Variants in RERE observed in about 807,000 individuals in gnomAD.
RERE encodes arginine-glutamic acid dipeptide repeats, also known as arginine-glutamic acid dipeptide repeats protein.
A neutral mutation model predicts 146.1 loss-of-function variants in RERE; 40 were observed. The observed-to-expected ratio is 0.27, with a 90% CI of 0.21 to 0.36. The LOEUF (loss-of-function observed/expected upper bound fraction) is 0.36. Among genes scored for constraint, RERE ranks in the 10% least tolerant of loss-of-function variants. RERE has a pLI of 1.00. For missense variants in RERE, 1,933 were observed against 2,138.7 expected, an observed-to-expected ratio of 0.90 and a Z score of 1.90; for synonymous variants, 1,003 against 866.0, an observed-to-expected ratio of 1.16 and a Z score of -2.78.
intron 4 of RERE, among the ~76,000 whole-genome samples, chr1:8,574,989 C>T (rs1557693468): frequency 1.3e-5 from 2 of 152,214 alleles, no homozygotes; most frequent in East Asian, 1.9e-4. Flanking sequence ...TTCGCAAATG[C>T]TAAAATTTAC....
chr1:8,460,824 CAA>C (rs1570275591), intron 11 of RERE, among the ~76,000 whole-genome samples: 1 of 152,152 alleles, frequency 6.6e-6, no homozygotes, highest in South Asian at 2.1e-4. Context: ...GGATAGGAAG[CAA>C]AGAGTGAGAT....
At chr1:8,405,739 A>C (rs1264312362) in intron 12 of RERE, among the ~76,000 whole-genome samples, 1 of 152,034 alleles carries the variant, frequency 6.6e-6, no homozygotes, top group African/African-American at 2.4e-5. Context: ...TCCTGGTTCA[A>C]GCGATTCTCC....
intron 11 of RERE, among the ~76,000 whole-genome samples, chr1:8,441,682 G>A (rs993294039): frequency 1.3e-5 from 2 of 152,102 alleles, no homozygotes; most frequent in Non-Finnish European, 2.9e-5. Context: ...TCAAATAACT[G>A]AGTGACACTG....
chr1:8,611,814 T>C (rs370396325), intron 4 of RERE, among the ~76,000 whole-genome samples: 61 of 152,338 alleles, frequency 4.0e-4, no homozygotes, highest in African/African-American at 1.4e-3. Flanking sequence ...GCCTCTGTCA[T>C]GGTGCCACGT....
intron 4 of RERE, among the ~76,000 whole-genome samples, chr1:8,598,866 A>C (rs1282694241): frequency 6.6e-6 from 1 of 152,218 alleles, no homozygotes; most frequent in African/African-American, 2.4e-5. Flanking sequence ...AAAATCTTTC[A>C]TGAACAGTAC....
At chr1:8,525,467 C>T (rs1180388467) in intron 7 of RERE, among the ~76,000 whole-genome samples, 1 of 152,154 alleles carries the variant, frequency 6.6e-6, no homozygotes, top group Non-Finnish European at 1.5e-5. Flanking sequence ...ACACCCAGCA[C>T]GACTGAGGTT....
At chr1:8,795,764 T>C (rs1641458092) in intron 1 of RERE, among the ~76,000 whole-genome samples, 1 of 152,042 alleles carries the variant, frequency 6.6e-6, no homozygotes, top group Non-Finnish European at 1.5e-5. Flanking sequence ...CGGCAGATCA[T>C]CTGAGGTCAG....
intron 1 of RERE, among the ~76,000 whole-genome samples, chr1:8,807,600 G>A (rs1210502231): frequency 2.0e-5 from 3 of 152,010 alleles, no homozygotes; most frequent in Non-Finnish European, 2.9e-5. Flanking sequence ...AATCGGATTG[G>A]GTCAAGAGTC....
At chr1:8,355,253 C>T in intron 22 of RERE, 133 bp from the exon 23 acceptor site, 1 of 1,151,762 alleles carries the variant, frequency 8.7e-7, no homozygotes, top group Non-Finnish European at 1.3e-6. Context: ...AGCTGACCTA[C>T]CCTCCCAACA....
chr1:8,752,452 T>C (rs895249126), intron 1 of RERE, among the ~76,000 whole-genome samples: 3 of 152,102 alleles, frequency 2.0e-5, no homozygotes, highest in Non-Finnish European at 2.9e-5. Flanking sequence ...ACAAGAGAAA[T>C]TCAGGTTCAG....
In RERE at chr1:8,656,212, G is replaced by T; in HGVS notation, c.86C>A (p.Ala29Glu). The change falls in exon 2 of 23, where the codon GCA becomes GAA. Residue 29 changes from alanine (A) to glutamate (E), a missense_variant. By Grantham distance (107) the Ala-to-Glu change is moderately radical. This residue lies in a region of RERE where 107 missense variants were observed against 119.7 expected (regional missense o/e 0.89). Coordinates refer to ENST00000400908, the MANE Select transcript of RERE (RefSeq NM_001042681.2). The stretch of plus-strand genomic sequence containing the variant: ...TGGCCTTGAATTCTCACTCTCTCTT[G>T]CTTTGTCTCTTTTCTCTCTCTCTCG... ...RDREREKRDK[A>E]RESENSRPRR... is the part of the protein sequence containing the mutation. 1 of 1,613,274 alleles carries T rather than the reference G, an allele frequency of 6.2e-7. No individual in the cohort carries two copies. The highest frequency in any genetic ancestry group is 8.5e-7 in the Non-Finnish European group (1 of 1,179,320).
chr1:8,360,295 G>C lies in RERE; in HGVS notation c.3212C>G (p.Ser1071Cys), dbSNP rs1003391380. The change falls in exon 18 of 23, where the codon TCT becomes TGT. Residue 1071 changes from serine (S) to cysteine (C), a missense_variant. Coordinates refer to ENST00000400908, the MANE Select transcript of RERE (RefSeq NM_001042681.2). ...GCTGCCTCCTGAAGCCGCCGCACCA[G>C]AGCAGGGTGGCTGGGCCGAGGTGCC... ...GPGTSAQPPCSGAAASGGSIA... is the reference protein window; with the variant it reads ...GPGTSAQPPCCGAAASGGSIA... 1.9e-6 allele frequency: 3 copies of C among 1,552,754 alleles called. No individual in the cohort carries two copies. Among genetic ancestry groups the C allele is most frequent in the African/African-American group, 2.7e-5 (2 of 73,292 alleles).
rs1647051777 is a variant in RERE at position 8,632,977 on chromosome 1, AT to A, written c.326-8598del. On this transcript the variant is annotated intron_variant, in intron 2 of 22. Coordinates refer to ENST00000400908, the MANE Select transcript of RERE (RefSeq NM_001042681.2). ...ACATACTCTTGGATGATTTTCTTAT[AT>A]ATTTCAAATCAGTTACAATGTCAAC... Among the ~76,000 whole-genome samples the A allele has an allele frequency of 3.3e-5, 5 of 152,352 alleles. No individual in the cohort carries two copies. The South Asian group carries it at 1.0e-3, about 32-fold the overall frequency.
chr1:8,582,674 CTG>C (rs1427559570), intron 4 of RERE, among the ~76,000 whole-genome samples: 1 of 152,066 alleles, frequency 6.6e-6, no homozygotes, highest in Non-Finnish European at 1.5e-5. Flanking sequence ...TGAGCTGAGA[CTG>C]TGCCACTGCA....
chr1:8,581,142 C>T (rs1646359480), intron 4 of RERE, among the ~76,000 whole-genome samples: 1 of 152,206 alleles, frequency 6.6e-6, no homozygotes, highest in Non-Finnish European at 1.5e-5. Flanking sequence ...GACAACCTTG[C>T]TAACATTCAG....
intron 1 of RERE, among the ~76,000 whole-genome samples, chr1:8,779,074 T>G (rs1641119481): frequency 1.3e-5 from 2 of 150,042 alleles, no homozygotes; most frequent in African/African-American, 4.9e-5. Context: ...CTCGAACTCC[T>G]GACCTCAAGT....
chr1:8,574,472 G>C (rs1360887913), intron 4 of RERE, among the ~76,000 whole-genome samples: 1 of 150,512 alleles, frequency 6.6e-6, no homozygotes, highest in Non-Finnish European at 1.5e-5. Flanking sequence ...AGCCTCCCGA[G>C]TAGCTGGGAC....
chr1:8,365,960 G>C lies in RERE; in HGVS notation c.1299C>G (p.Thr433=). The change falls in exon 13 of 23, where the codon ACC becomes ACG. Residue 433 remains threonine, a synonymous_variant. Coordinates refer to ENST00000400908, the MANE Select transcript of RERE (RefSeq NM_001042681.2). ...LPNKETGELI[T]FYYYWKKTPE... Reference sequence around the variant, plus strand: ...GGGTCTTCTTCCAATAGTAATAGAAGGTGATCAGCTCCCCCTGCAGAAGAG... The same window carrying C: ...GGGTCTTCTTCCAATAGTAATAGAACGTGATCAGCTCCCCCTGCAGAAGAG... 6.2e-7 allele frequency: 1 copy of C among 1,613,528 alleles called. No homozygotes were observed. Among genetic ancestry groups the C allele is most frequent in the Non-Finnish European group, 8.5e-7 (1 of 1,180,014 alleles).
intron 7 of RERE, chr1:8,519,755 T>G (rs1437133720): frequency 6.6e-6 from 1 of 152,210 alleles, no homozygotes. Flanking sequence ...ATTTATTTTT[T>G]GTAGTTATTT....
Sources: gnomAD v4.1 joint callset for allele counts (sites outside exome capture counted in the v4.1 genomes callset) on GRCh38, gnomAD v4.1.1 for gene constraint, gnomAD v4.1.1 regional missense constraint, MANE v1.5 for transcripts, NCBI Gene and HGNC (gene_info 2026-07-23, HGNC 2026-07-21) for gene names.